Variants in MAGI1 observed in about 807,000 individuals in gnomAD.
MAGI1 encodes the protein membrane-associated guanylate kinase, WW and PDZ domain-containing protein 1.
A neutral mutation model predicts 139.9 loss-of-function variants in MAGI1; 58 were observed. The observed-to-expected ratio is 0.41, with a 90% confidence interval of 0.34 to 0.52. The LOEUF (loss-of-function observed/expected upper bound fraction) is 0.52, where lower values mean the gene tolerates loss of function less well. Among genes scored for constraint, MAGI1 ranks in the 20% least tolerant of loss-of-function variants. The probability of loss-of-function intolerance (pLI) is 0.12; values close to 1 mark genes in which losing one functional copy is unlikely to be tolerated. For synonymous variants in MAGI1, 812 were observed against 737.9 expected, an observed-to-expected ratio of 1.10 and a Z score of -1.63; for missense variants, 1,874 against 1,901.6, an observed-to-expected ratio of 0.99 and a Z score of 0.27.
chr3:65,956,645 G>T (rs1213955910), intron 1 of MAGI1, among the ~76,000 whole-genome samples: 4 of 152,118 alleles, frequency 2.6e-5, no homozygotes, highest in African/African-American at 9.7e-5. Flanking sequence ...GTTAAATAAT[G>T]GAAACCCATA....
chr3:65,430,668 A>G (rs1232129305), intron 11 of MAGI1, 31 bp downstream of exon 11: 1 of 1,605,474 alleles, frequency 6.2e-7, no homozygotes, highest in South Asian at 1.1e-5. Context: ...GTCTCACCAC[A>G]CAGAACACAC....
At chr3:65,970,251 T>C (rs2064957323) in intron 1 of MAGI1, among the ~76,000 whole-genome samples, 2 of 152,104 alleles carry the variant, frequency 1.3e-5, no homozygotes, top group South Asian at 4.1e-4. Flanking sequence ...AAAGGACAAA[T>C]ACTCTATGAG....
At chr3:65,753,679 C>T (rs2107836192) in intron 1 of MAGI1, among the ~76,000 whole-genome samples, 1 of 148,182 alleles carries the variant, frequency 6.7e-6, no homozygotes, top group Middle Eastern at 3.4e-3. Flanking sequence ...CAAGATCGCA[C>T]CACCACAAAC....
chr3:65,845,260 A>AAAGAG (rs1359832493), intron 1 of MAGI1, among the ~76,000 whole-genome samples: 1 of 152,006 alleles, frequency 6.6e-6, no homozygotes, highest in African/African-American at 2.4e-5. Flanking sequence ...TCAAAAAAAA[A>AAAGAG]AAGAGAAGAG....
rs536254466 is a variant in MAGI1 at position 65,818,348 on chromosome 3, A to C, written c.314-196260T>G. Among the ~76,000 whole-genome samples, 3 of 152,272 alleles carry C rather than the reference A, an allele frequency of 2.0e-5. No individual in the cohort carries two copies. The South Asian group carries it at 6.2e-4, about 32-fold the overall frequency. ...AGGTGCTGGAGACCTGATAATAAAC[A>C]TGGTAAGTTTCCTGGTCTGATGGAA... On this transcript the variant is annotated intron_variant, in intron 1 of 22. Coordinates refer to ENST00000402939, the MANE Select transcript of MAGI1 (RefSeq NM_001033057.2).
chr3:65,822,180 G>A (rs535967313), intron 1 of MAGI1, among the ~76,000 whole-genome samples: 1 of 152,274 alleles, frequency 6.6e-6, no homozygotes, highest in South Asian at 2.1e-4. Context: ...GGAAGGTCAG[G>A]AAGGAGGGGA....
At position 65,413,084 on chromosome 3, in the gene MAGI1, GA is replaced by G. The variant is rs11401254; in HGVS notation, c.2168-11615del. 4.3e-4 allele frequency among the ~76,000 whole-genome samples: 65 copies of G among 151,302 alleles called. 1 individual carries two copies. The highest frequency in any genetic ancestry group is 2.8e-4 in the Non-Finnish European group (19 of 67,792). ...CTACAAAAAGCGAACACATGCTGAT[GA>G]AAAAAAATCTCAGATCCTTTTCTTA... On this transcript the variant is annotated intron_variant, in intron 12 of 22. Transcript: ENST00000402939.
At chr3:65,994,558 T>C (rs1218295771) in intron 1 of MAGI1, among the ~76,000 whole-genome samples, 2 of 152,188 alleles carry the variant, frequency 1.3e-5, no homozygotes, top group Non-Finnish European at 2.9e-5. Flanking sequence ...CTTAGTGGCT[T>C]AGAACAACCA....
intron 1 of MAGI1, among the ~76,000 whole-genome samples, chr3:65,847,585 A>T (rs1473387546): frequency 6.6e-6 from 1 of 152,228 alleles, no homozygotes. Context: ...ATCAATGTGT[A>T]TGATAAATAT....
chr3:65,528,824 T>A (rs1031696178), intron 2 of MAGI1, among the ~76,000 whole-genome samples: 1 of 152,194 alleles, frequency 6.6e-6, no homozygotes, highest in East Asian at 1.9e-4. Context: ...GACAGGAGGA[T>A]TGCTTGAGCC....
At chr3:65,990,854 G>A (rs1053674421) in intron 1 of MAGI1, among the ~76,000 whole-genome samples, 17 of 152,116 alleles carry the variant, frequency 1.1e-4, no homozygotes, top group African/African-American at 3.9e-4. Flanking sequence ...GGATGTGGTG[G>A]TGCATGCCTG....
At chr3:65,474,303 A>G (rs541871979) in intron 4 of MAGI1, among the ~76,000 whole-genome samples, 2 of 152,098 alleles carry the variant, frequency 1.3e-5, no homozygotes, top group South Asian at 4.1e-4. Context: ...TTTACCAAAG[A>G]TTTAGGAGCA....
intron 2 of MAGI1, among the ~76,000 whole-genome samples, chr3:65,509,456 C>T (rs1043915606): frequency 1.1e-4 from 17 of 152,160 alleles, no homozygotes; most frequent in Admixed American, 3.9e-4. Flanking sequence ...GCGTACCGTG[C>T]GCAAGCCGAA....
chr3:65,390,512 A>G (rs1223132590), intron 14 of MAGI1, among the ~76,000 whole-genome samples: 1 of 152,174 alleles, frequency 6.6e-6, no homozygotes, highest in African/African-American at 2.4e-5. Flanking sequence ...TTTCATAATA[A>G]AAAGACGTTA....
chr3:66,025,463 C>A (rs1477751412), intron 1 of MAGI1, among the ~76,000 whole-genome samples: 1 of 152,028 alleles, frequency 6.6e-6, no homozygotes, highest in African/African-American at 2.4e-5. Context: ...TCGCTTGAGC[C>A]CAGGAGATAC....
intron 7 of MAGI1, among the ~76,000 whole-genome samples, chr3:65,446,773 T>A (rs1948708121): frequency 6.6e-6 from 1 of 152,218 alleles, no homozygotes; most frequent in Non-Finnish European, 1.5e-5. Flanking sequence ...GTTCTATCAT[T>A]CAGGGTGAAC....
chr3:66,032,647 G>A (rs1476669191), intron 1 of MAGI1, among the ~76,000 whole-genome samples: 5 of 151,660 alleles, frequency 3.3e-5, no homozygotes, highest in Non-Finnish European at 5.9e-5. Flanking sequence ...GGCCCGTTGC[G>A]GTGGCTCACG....
At chr3:65,776,457 T>C (rs1298843699) in intron 1 of MAGI1, among the ~76,000 whole-genome samples, 3 of 152,108 alleles carry the variant, frequency 2.0e-5, no homozygotes, top group African/African-American at 2.4e-5. Context: ...TTTAAACACA[T>C]AATAAAAAGA....
chr3:65,490,851 AAAAAAAG>A (rs1401033553), intron 3 of MAGI1, among the ~76,000 whole-genome samples: 19 of 149,614 alleles, frequency 1.3e-4, no homozygotes, highest in South Asian at 2.1e-4. Context: ...CTCAAAAAAA[AAAAAAAG>A]AAAAAAGAAA....
Sources: allele counts gnomAD v4.1 joint callset (sites outside exome capture counted in the v4.1 genomes callset), GRCh38; gene constraint gnomAD v4.1.1; transcripts MANE v1.5; gene names NCBI Gene and HGNC (gene_info 2026-07-23, HGNC 2026-07-21).